Variants in BCO1 observed in about 807,000 individuals in gnomAD.
BCO1 encodes the protein beta,beta-carotene 15,15'-dioxygenase.
BCO1 carries 54 observed loss-of-function variants against 56.3 expected under a neutral mutation model. That is an observed-to-expected ratio of 0.96 (90% CI 0.77 to 1.20). BCO1 has a LOEUF of 1.20. Ranked by LOEUF, BCO1 falls within the 50% of genes most tolerant of loss-of-function variation. The pLI, the probability that BCO1 is intolerant of heterozygous loss-of-function variation, is 0.00. For synonymous variants in BCO1, 318 were observed against 266.1 expected (o/e 1.20, Z -1.90); for missense variants, 801 against 690.9 (o/e 1.16, Z -1.79).
intron 1 of BCO1, among the ~76,000 whole-genome samples, chr16:81,243,751 C>T (rs775944822): frequency 5.3e-5 from 8 of 152,148 alleles, no homozygotes; most frequent in Admixed American, 2.0e-4. Flanking sequence ...TCAGGTATGC[C>T]TCGGCATGCC....
At chr16:81,257,772 G>T (rs989698328) in intron 2 of BCO1, among the ~76,000 whole-genome samples, 2 of 151,448 alleles carry the variant, frequency 1.3e-5, no homozygotes, top group African/African-American at 4.9e-5. Context: ...CCAGCTACTC[G>T]GGGAGGCTGA....
chr16:81,258,336 C>T (rs1378577040), intron 2 of BCO1, among the ~76,000 whole-genome samples: 2 of 152,160 alleles, frequency 1.3e-5, no homozygotes, highest in African/African-American at 4.8e-5. Flanking sequence ...GAGATTTATG[C>T]CATGAGTTAG....
intron 10 of BCO1, 116 bp downstream of exon 10, chr16:81,287,522 C>A: frequency 2.5e-6 from 2 of 795,182 alleles, no homozygotes; most frequent in Non-Finnish European, 4.4e-6. Context: ...TGGATTGGTG[C>A]TTTGAAGTGT....
At chr16:81,260,363 G>C (rs1906409929) in intron 3 of BCO1, among the ~76,000 whole-genome samples, 1 of 151,766 alleles carries the variant, frequency 6.6e-6, no homozygotes, top group Non-Finnish European at 1.5e-5. Context: ...TGTACTTTGT[G>C]TGAAAAAGCA....
chr16:81,246,967 T>A (rs1905463929), intron 2 of BCO1, among the ~76,000 whole-genome samples: 1 of 149,580 alleles, frequency 6.7e-6, no homozygotes, highest in Non-Finnish European at 1.5e-5. Flanking sequence ...TCTCCCTGAG[T>A]GGAAAGGGAA....
intron 1 of BCO1, among the ~76,000 whole-genome samples, chr16:81,243,319 T>A (rs1190014864): frequency 2.6e-5 from 4 of 152,196 alleles, no homozygotes; most frequent in Non-Finnish European, 5.9e-5. Context: ...GAGGATTAGA[T>A]CAGGACCCTT....
At chr16:81,290,013 A>G (rs1196038719) in intron 10 of BCO1, among the ~76,000 whole-genome samples, 1 of 152,174 alleles carries the variant, frequency 6.6e-6, no homozygotes, top group Non-Finnish European at 1.5e-5. Flanking sequence ...ACAAGCACCC[A>G]CCACCACACC....
At chr16:81,285,708 C>A in intron 9 of BCO1, 74 bp downstream of exon 9, 1 of 1,154,476 alleles carries the variant, frequency 8.7e-7, no homozygotes, top group Non-Finnish European at 1.3e-6. Context: ...TTCTAAGGTT[C>A]TGAGACGTTG....
At chr16:81,281,605 T>C (rs569446977) in intron 8 of BCO1, among the ~76,000 whole-genome samples, 1 of 152,298 alleles carries the variant, frequency 6.6e-6, no homozygotes, top group Non-Finnish European at 1.5e-5. Context: ...ATAGGTGTTA[T>C]CGGCCCCGTA....
chr16:81,288,554 T>G (rs1249820613), intron 10 of BCO1, among the ~76,000 whole-genome samples: 2 of 152,222 alleles, frequency 1.3e-5, no homozygotes, highest in Non-Finnish European at 2.9e-5. Context: ...TGTGAGCCAG[T>G]GCACCTGGCC....
Position 81,280,964 on chromosome 16 carries a change from TA to T in BCO1, c.1207+6del, listed in dbSNP as rs747577467. 4 of 1,605,974 alleles carry T rather than the reference TA, an allele frequency of 2.5e-6. No individual in the cohort carries two copies. The highest frequency in any genetic ancestry group is 3.4e-6 in the Non-Finnish European group (4 of 1,172,606). ...GCCAGCCGGAATTTCTTTATGAAGGTAAAATGCATCCTCTTGTCCTGAGTTT... is the reference window on the plus strand; with the variant it reads ...GCCAGCCGGAATTTCTTTATGAAGGTAAATGCATCCTCTTGTCCTGAGTTT... On this transcript the variant is annotated splice_donor_region_variant and intron_variant, in intron 8 of 10. Transcript: ENST00000258168.
rs72833347 is a variant in BCO1 at position 81,290,832 on chromosome 16, T to G, written c.*255T>G. 2,516 of 419,450 alleles carry G rather than the reference T, an allele frequency of 6.0e-3. 19 individuals carry two copies. Among genetic ancestry groups the G allele is most frequent in the Non-Finnish European group, 9.3e-3 (2,183 of 235,400 alleles). The allele number at this position is 419,450 out of a possible 1,614,324, so 26.0% of individuals were successfully genotyped here. A position where few individuals can be genotyped will look rare whatever the true frequency, so the allele number is the denominator to read the frequency against. ...GATCCAGTCCTTCTAAGAAACCTCC[T>G]TTCCTTTAACAAAAAGACCTTGACC... On this transcript the variant is annotated 3_prime_UTR_variant, in exon 11 of 11. Transcript: ENST00000258168.
rs779185213 is a variant in BCO1 at position 81,287,351 on chromosome 16, C to T, written c.1359C>T (p.Cys453=). Residue 453 remains cysteine, a synonymous_variant, in exon 10 of 11, where the codon TGC becomes TGT. Coordinates refer to ENST00000258168, the MANE Select transcript of BCO1 (RefSeq NM_017429.3). ...KSSLKWREDD[C]WPAEPLFVPA... is the part of the protein sequence containing the mutation. ...CCTTAAAATGGAGAGAGGACGACTG[C>T]TGGCCAGCGGAACCCCTGTTTGTGC... 3.7e-6 allele frequency: 6 copies of T among 1,614,026 alleles called. No individual in the cohort carries two copies. In the Admixed American group the frequency reaches 1.0e-4, roughly 27 times the overall value.
chr16:81,246,869 G>GAAAAAAAAAAAAAAAAAAAAAA (rs1188888417), intron 2 of BCO1, among the ~76,000 whole-genome samples: 1 of 129,026 alleles, frequency 7.8e-6, no homozygotes, highest in Non-Finnish European at 1.6e-5. Flanking sequence ...AAAAAAAAAA[G>GAAAAAAAAAAAAAAAAAAAAAA]AAGAGTACAG....
rs997024580 is a variant in BCO1 at position 81,242,660 on chromosome 16, A to T, written c.65-2815A>T. On this transcript the variant is annotated intron_variant, in intron 1 of 10. Coordinates refer to ENST00000258168, the MANE Select transcript of BCO1 (RefSeq NM_017429.3). ...CTGGTCTTCCTGCCTCTCTCAGGGA[A>T]TTTCCCAGTCCACAATCCACACCAT... Among the ~76,000 whole-genome samples the T allele has an allele frequency of 7.2e-5, 11 of 151,950 alleles. No homozygotes were observed. The East Asian group carries it at 1.9e-3, about 27-fold the overall frequency.
chr16:81,252,513 C>T (rs899667833), intron 2 of BCO1, among the ~76,000 whole-genome samples: 1 of 152,184 alleles, frequency 6.6e-6, no homozygotes, highest in Admixed American at 6.5e-5. Context: ...GCCTCGGCCT[C>T]CCAAAGTGCT....
At chr16:81,249,867 G>A (rs1905679859) in intron 2 of BCO1, among the ~76,000 whole-genome samples, 1 of 152,132 alleles carries the variant, frequency 6.6e-6, no homozygotes, top group Admixed American at 6.6e-5. Context: ...TGTGGCATAG[G>A]GTGGGAAGGC....
In BCO1 at chr16:81,274,226, T is replaced by C. The variant is rs546748636; in HGVS notation, c.1101+3810T>C. The stretch of plus-strand genomic sequence containing the variant: ...CATGCTCGAGAATGCTTTGCTGCCT[T>C]GGAACCAAGCTAAGAATGTTAGCTT... On this transcript the variant is annotated intron_variant, in intron 7 of 10. Coordinates refer to ENST00000258168, the MANE Select transcript of BCO1 (RefSeq NM_017429.3). 1.2e-4 allele frequency among the ~76,000 whole-genome samples: 18 copies of C among 151,858 alleles called. No individual in the cohort carries two copies. In the East Asian group the frequency reaches 3.5e-3, roughly 29 times the overall value.
intron 2 of BCO1, among the ~76,000 whole-genome samples, chr16:81,249,591 G>A (rs2151929080): frequency 6.6e-6 from 1 of 151,930 alleles, no homozygotes; most frequent in Middle Eastern, 3.4e-3. Context: ...GTAGAGATGG[G>A]GGTTTCATCA....
Sources: gnomAD v4.1 joint callset for allele counts (sites outside exome capture counted in the v4.1 genomes callset) on GRCh38, gnomAD v4.1.1 for gene constraint, MANE v1.5 for transcripts, NCBI Gene and HGNC (gene_info 2026-07-23, HGNC 2026-07-21) for gene names.